GPR107: variants seen among roughly 807,000 people sequenced by gnomAD.
GPR107 encodes the protein G protein-coupled receptor 107, also known as protein GPR107.
In GPR107, 31 loss-of-function variants were observed where a neutral mutation model predicts 75.5. That is an observed-to-expected ratio of 0.41 (90% CI 0.31 to 0.55). The LOEUF (loss-of-function observed/expected upper bound fraction) is 0.55, where lower values mean the gene tolerates loss of function less well. GPR107 is among the 20% of genes least tolerant of loss of function. The pLI is 0.26. For missense variants in GPR107, 572 were observed against 665.7 expected (o/e 0.86, Z 1.55); for synonymous variants, 267 against 251.3 (o/e 1.06, Z -0.59).
At chr9:130,105,131 G>C (rs558962344) in intron 13 of GPR107, among the ~76,000 whole-genome samples, 170 of 152,280 alleles carry the variant, frequency 1.1e-3, no homozygotes, top group Non-Finnish European at 2.1e-3. Context: ...AATTCAGAAG[G>C]CTAGCAGCAA....
chr9:130,087,805 C>A (rs1274841801), intron 7 of GPR107, among the ~76,000 whole-genome samples: 727 of 87,446 alleles, frequency 8.3e-3, no homozygotes, highest in East Asian at 0.033. Flanking sequence ...GACCCTGTCT[C>A]AAAAAAAAAA....
chr9:130,094,932 T>C (rs1288091473), intron 9 of GPR107, among the ~76,000 whole-genome samples: 2 of 152,124 alleles, frequency 1.3e-5, no homozygotes, highest in Admixed American at 1.3e-4. Context: ...CCACCTGCCT[T>C]GGCCTCCCAA....
chr9:130,062,652 G>T (rs913323475), intron 1 of GPR107, among the ~76,000 whole-genome samples: 1,433 of 110,914 alleles, frequency 0.013, 14 homozygotes, highest in African/African-American at 0.021. Flanking sequence ...CTGCCTGCCT[G>T]CCTGCCTGCC....
intron 9 of GPR107, among the ~76,000 whole-genome samples, chr9:130,098,272 G>A (rs1168607149): frequency 2.0e-5 from 3 of 152,156 alleles, no homozygotes; most frequent in Non-Finnish European, 4.4e-5. Flanking sequence ...CCGAAAGGTG[G>A]ACTAGTATCT....
chr9:130,076,300 C>T lies in GPR107; in HGVS notation c.256-112C>T, dbSNP rs1157210480. The T allele has an allele frequency of 8.0e-6, 5 of 626,422 alleles. No individual in the cohort carries two copies. In the Admixed American group the frequency reaches 1.2e-4, roughly 16 times the overall value. 38.8% of individuals were successfully genotyped at this position (626,422 alleles called of 1,614,324 possible). On this transcript the variant is annotated intron_variant, in intron 2 of 17. Coordinates refer to ENST00000347136, the MANE Select transcript of GPR107 (RefSeq NM_020960.5). Reference sequence around the variant, plus strand: ...ACTTTGCCTTCTTACAAAATGAATGCTAAGAAAACAGAGGAGACCACGTTA... The same window carrying T: ...ACTTTGCCTTCTTACAAAATGAATGTTAAGAAAACAGAGGAGACCACGTTA...
intron 1 of GPR107, among the ~76,000 whole-genome samples, chr9:130,055,737 G>C (rs1200760106): frequency 6.6e-6 from 1 of 151,938 alleles, no homozygotes; most frequent in Non-Finnish European, 1.5e-5. Flanking sequence ...CTGAGGTCAG[G>C]AGTTCGAGAC....
At chr9:130,111,954 G>A (rs775568194) in intron 14 of GPR107, among the ~76,000 whole-genome samples, 2 of 151,936 alleles carry the variant, frequency 1.3e-5, no homozygotes, top group Non-Finnish European at 2.9e-5. Flanking sequence ...ATTGAGTCTC[G>A]CACAGACACA....
At chr9:130,085,771 T>TTTTTTTTTTTTTTTTTTTTTTTTGGG (rs1830600791) in intron 6 of GPR107, among the ~76,000 whole-genome samples, 1 of 133,416 alleles carries the variant, frequency 7.5e-6, no homozygotes, top group African/African-American at 2.7e-5. Context: ...TTTTTTTTTT[T>TTTTTTTTTTTTTTTTTTTTTTTTGGG]GCCGGGGGGA....
intron 1 of GPR107, among the ~76,000 whole-genome samples, chr9:130,072,237 TTGAGATG>T (rs1830227042): frequency 6.6e-6 from 1 of 151,482 alleles, no homozygotes; most frequent in Non-Finnish European, 1.5e-5. Context: ...TTTTTTTTTT[TTGAGATG>T]GAGTCTCGCT....
intron 1 of GPR107, among the ~76,000 whole-genome samples, chr9:130,059,769 G>A (rs1051491538): frequency 7.0e-6 from 1 of 142,770 alleles, no homozygotes; most frequent in African/African-American, 2.8e-5. Context: ...GATGGAGTTT[G>A]TTCTTGTTGC....
intron 9 of GPR107, among the ~76,000 whole-genome samples, chr9:130,093,060 G>A (rs1332998988): frequency 6.6e-6 from 1 of 152,228 alleles, no homozygotes; most frequent in East Asian, 1.9e-4. Context: ...AGTTAGTGAC[G>A]ATGAGCACTG....
At chr9:130,121,314 G>C (rs139226034) in intron 14 of GPR107, among the ~76,000 whole-genome samples, 2 of 152,112 alleles carry the variant, frequency 1.3e-5, no homozygotes, top group Non-Finnish European at 2.9e-5. Context: ...TAACACTAAC[G>C]ATAGCTGATT....
At position 130,087,805 on chromosome 9, in the gene GPR107, C is replaced by CAAAAAAAAAAAAAAAAAAAA. The variant is rs35984705; in HGVS notation, c.621+1330_621+1349dup. Among the ~76,000 whole-genome samples the CAAAAAAAAAAAAAAAAAAAA allele has an allele frequency of 6.3e-4, 55 of 87,620 alleles. 1 individual carries two copies. The highest frequency in any genetic ancestry group is 1.2e-3 in the African/African-American group (26 of 22,272). The allele number at this position is 87,620 out of a possible 152,430, so 57.5% of individuals were successfully genotyped here. On this transcript the variant is annotated intron_variant, in intron 7 of 17. Coordinates refer to ENST00000347136, the MANE Select transcript of GPR107 (RefSeq NM_020960.5). ...TGGGTGACAGAGTGAGACCCTGTCTCAAAAAAAAAAAAAAAAAAAAGCCTA... is the reference window on the plus strand; with the variant it reads ...TGGGTGACAGAGTGAGACCCTGTCTCAAAAAAAAAAAAAAAAAAAAAAAAAAAAAAAAAAAAAAAAGCCTA...
At chr9:130,075,781 A>AAT in intron 2 of GPR107, 32 bp downstream of exon 2, 9 of 929,874 alleles carry the variant, frequency 9.7e-6, no homozygotes, top group African/African-American at 1.9e-5. Context: ...CCAGGGGTTT[A>AAT]CTCTTTTTTT....
intron 14 of GPR107, chr9:130,110,412 C>A: frequency 6.6e-7 from 1 of 1,512,456 alleles, no homozygotes; most frequent in Non-Finnish European, 9.0e-7. Context: ...AATCTAAGAG[C>A]AGGAAGTCGC....
chr9:130,124,581 A>G (rs1306274881), intron 14 of GPR107, among the ~76,000 whole-genome samples: 7 of 151,870 alleles, frequency 4.6e-5, no homozygotes, highest in African/African-American at 1.2e-4. Context: ...CTCTGGGGGG[A>G]AAAAATTCCT....
intron 1 of GPR107, among the ~76,000 whole-genome samples, chr9:130,062,383 A>C (rs1829946234): frequency 6.6e-6 from 1 of 150,924 alleles, no homozygotes; most frequent in African/African-American, 2.4e-5. Flanking sequence ...ATTGCACTCC[A>C]GCCTGGGTGA....
chr9:130,084,452 G>C (rs891928807), intron 6 of GPR107, among the ~76,000 whole-genome samples: 2 of 147,026 alleles, frequency 1.4e-5, no homozygotes, highest in African/African-American at 5.3e-5. Flanking sequence ...TTTTGGGGGA[G>C]AGCATTGACA....
chr9:130,083,402 A>G (rs1042745568), intron 5 of GPR107, 163 bp from the exon 6 acceptor site: 3 of 418,934 alleles, frequency 7.2e-6, no homozygotes, highest in African/African-American at 6.2e-5. Context: ...CGACAGTACA[A>G]GAATTATGTT....
Sources: gnomAD v4.1 joint callset for allele counts (sites outside exome capture counted in the v4.1 genomes callset) on GRCh38, gnomAD v4.1.1 for gene constraint, MANE v1.5 for transcripts, NCBI Gene and HGNC (gene_info 2026-07-23, HGNC 2026-07-21) for gene names.